CDH26: variants seen among roughly 807,000 people sequenced by gnomAD.
CDH26 encodes the protein cadherin 26.
In CDH26, 83 loss-of-function variants were observed where a neutral mutation model predicts 90.3. That is an observed-to-expected ratio of 0.92 (90% CI 0.77 to 1.10). CDH26 has a LOEUF of 1.10. Among genes scored for constraint, CDH26 ranks in the 50% least tolerant of loss-of-function variants. The probability of loss-of-function intolerance (pLI) is 0.00; values close to 1 mark genes in which losing one functional copy is unlikely to be tolerated. For synonymous variants in CDH26, 397 were observed against 396.3 expected, an observed-to-expected ratio of 1.00 and a Z score of -0.02; for missense variants, 1,013 against 1,037.6, an observed-to-expected ratio of 0.98 and a Z score of 0.33.
chr20:59,969,074 G>T, intron 2 of CDH26, 51 bp downstream of exon 2: 1 of 1,151,678 alleles, frequency 8.7e-7, no homozygotes, highest in South Asian at 1.3e-5. Context: ...CTCTACACTT[G>T]ACTTAGAGAC....
At position 60,006,705 on chromosome 20, in the gene CDH26, G is replaced by C. The variant is rs1221510718; in HGVS notation, c.2221-8G>C. On this transcript the variant is annotated splice_region_variant and splice_polypyrimidine_tract_variant and intron_variant, in intron 16 of 17. Coordinates refer to ENST00000348616, the MANE Select transcript of CDH26 (RefSeq NM_177980.4). ...CTGTGGTATGAAGCTCTACTGGTTTGCTTGCAGGCTTACCCAGATGCCACA... is the reference window on the plus strand; with the variant it reads ...CTGTGGTATGAAGCTCTACTGGTTTCCTTGCAGGCTTACCCAGATGCCACA... 1.2e-6 allele frequency: 2 copies of C among 1,612,106 alleles called. No homozygotes were observed. The highest frequency in any genetic ancestry group is 1.7e-6 in the Non-Finnish European group (2 of 1,178,324).
At chr20:60,027,139 G>A (rs1427206127) in intron 7 of CDH26, among the ~76,000 whole-genome samples, 1 of 152,174 alleles carries the variant, frequency 6.6e-6, no homozygotes. Context: ...GTCTTGGGCA[G>A]AGGAGAAGTA....
At chr20:59,986,275 A>G (rs995519283) in intron 7 of CDH26, 1 of 152,184 alleles carries the variant, frequency 6.6e-6, no homozygotes, top group Admixed American at 6.5e-5. Context: ...CAGGGTCCAC[A>G]TGGGATTTCC....
intron 4 of CDH26, among the ~76,000 whole-genome samples, chr20:59,976,068 T>C (rs1446838491): frequency 6.6e-6 from 1 of 152,222 alleles, no homozygotes; most frequent in African/African-American, 2.4e-5. Context: ...TCTTTTTATA[T>C]TTCTCAAAAT....
intron 1 of CDH26, among the ~76,000 whole-genome samples, chr20:59,962,897 C>T (rs1008853355): frequency 9.2e-5 from 14 of 152,110 alleles, no homozygotes; most frequent in Non-Finnish European, 2.1e-4. Context: ...AGAGAGCCCC[C>T]AGGATGGGCA....
chr20:59,966,398 G>A (rs1168305895), intron 1 of CDH26, among the ~76,000 whole-genome samples: 2 of 152,182 alleles, frequency 1.3e-5, no homozygotes, highest in Non-Finnish European at 2.9e-5. Flanking sequence ...GTACACTCAA[G>A]TGTTGCAATT....
intron 4 of CDH26, 53 bp from the exon 5 acceptor site, chr20:59,982,870 A>C (rs1238720297): frequency 1.3e-6 from 2 of 1,581,708 alleles, no homozygotes; most frequent in East Asian, 4.5e-5. Context: ...ATTTTATTAG[A>C]GTGTCATCGA....
chr20:60,032,530 T>C (rs1411695695), intron 8 of CDH26, among the ~76,000 whole-genome samples: 1 of 152,126 alleles, frequency 6.6e-6, no homozygotes, highest in Non-Finnish European at 1.5e-5. Context: ...ATCATGCTGC[T>C]ATAAAGACAC....
In CDH26 at chr20:59,994,311, C is replaced by G. The variant is rs750047284; in HGVS notation, c.1488C>G (p.Asn496Lys). ...LMLFLSDIND[N>K]VPTLRPRSRY... ...TCTTCCTGTCTGACATCAATGACAACGTCCCGACTCTCCGGCCACGTTCCC... is the reference window on the plus strand; with the variant it reads ...TCTTCCTGTCTGACATCAATGACAAGGTCCCGACTCTCCGGCCACGTTCCC... The change falls in exon 11 of 18, where the codon AAC becomes AAG. Residue 496 changes from asparagine (N) to lysine (K), a missense_variant. Physicochemically the swap from Asn to Lys is moderately conservative, Grantham distance 94. Coordinates refer to ENST00000348616, the MANE Select transcript of CDH26 (RefSeq NM_177980.4). 1.9e-6 allele frequency: 3 copies of G among 1,613,978 alleles called. No homozygotes were observed. Among genetic ancestry groups the G allele is most frequent in the Non-Finnish European group, 1.7e-6 (2 of 1,180,014 alleles).
At chr20:59,993,006 T>C (rs980507612) in intron 10 of CDH26, among the ~76,000 whole-genome samples, 2 of 152,068 alleles carry the variant, frequency 1.3e-5, no homozygotes, top group African/African-American at 4.8e-5. Flanking sequence ...CAAAGCAGAG[T>C]TGAAGAAATA....
chr20:59,975,560 C>T (rs953005930), intron 4 of CDH26, among the ~76,000 whole-genome samples: 3 of 152,136 alleles, frequency 2.0e-5, no homozygotes, highest in Non-Finnish European at 4.4e-5. Context: ...GGCTTACACA[C>T]TATTTAGGAG....
At chr20:60,017,182 G>C (rs2061912435), downstream of CDH26, among the ~76,000 whole-genome samples, 1 of 151,992 alleles carries the variant, frequency 6.6e-6, no homozygotes, top group African/African-American at 2.4e-5. Context: ...TCTGAGAAAA[G>C]TTGGTATTAA....
At chr20:59,997,100 T>C (rs1480493343) in intron 13 of CDH26, among the ~76,000 whole-genome samples, 1 of 152,226 alleles carries the variant, frequency 6.6e-6, no homozygotes, top group African/African-American at 2.4e-5. Context: ...CAAGACAGCC[T>C]CTACCACAGA....
At chr20:59,995,298 T>C (rs1296234095) in intron 11 of CDH26, among the ~76,000 whole-genome samples, 1 of 152,158 alleles carries the variant, frequency 6.6e-6, no homozygotes, top group African/African-American at 2.4e-5. Flanking sequence ...TCTGGTCACA[T>C]AGTATCAGTC....
At chr20:59,988,757 GTC>G in intron 8 of CDH26, 145 bp from the exon 9 acceptor site, 1 of 825,576 alleles carries the variant, frequency 1.2e-6, no homozygotes, top group Non-Finnish European at 1.9e-6. Context: ...GCTGTAGACT[GTC>G]TTTTGATCAT....
At position 59,999,601 on chromosome 20, in the gene CDH26, G is replaced by A. The variant is rs764483069; in HGVS notation, c.2035G>A (p.Glu679Lys). Residue 679 changes from glutamate (E) to lysine (K), a missense_variant, in exon 14 of 18, where the codon GAA becomes AAA. Physicochemically the swap from Glu to Lys is moderately conservative, Grantham distance 56. Coordinates refer to ENST00000348616, the MANE Select transcript of CDH26 (RefSeq NM_177980.4). ...GTSAQTWSDV[E>K]GQRPALLICT... ...TGTTCTACAGACATGGTCAGATGTTGAAGGCCAGAGGCCGGCTCTGCTCAT... is the reference window on the plus strand; with the variant it reads ...TGTTCTACAGACATGGTCAGATGTTAAAGGCCAGAGGCCGGCTCTGCTCAT... 4.3e-6 allele frequency: 7 copies of A among 1,614,074 alleles called. No homozygotes were observed. The highest frequency in any genetic ancestry group is 5.9e-6 in the Non-Finnish European group (7 of 1,179,976).
chr20:60,025,121 A>G (rs1373237543), intron 7 of CDH26, among the ~76,000 whole-genome samples: 3 of 152,234 alleles, frequency 2.0e-5, no homozygotes, highest in Non-Finnish European at 4.4e-5. Flanking sequence ...AAACTTTTAC[A>G]AAAGAGAAAT....
intron 1 of CDH26, among the ~76,000 whole-genome samples, chr20:59,967,815 TTCTTTCTTTC>T (rs1376278864): frequency 0.036 from 722 of 19,812 alleles, 12 homozygotes; most frequent in South Asian, 0.099. Context: ...CCTCCCTCAT[TTCTTTCTTTC>T]TTTCTTTCTT....
chr20:59,982,225 T>C, intron 4 of CDH26, among the ~76,000 whole-genome samples: 1 of 152,324 alleles, frequency 6.6e-6, no homozygotes, highest in East Asian at 1.9e-4. Context: ...TTTGGTTACA[T>C]GCGATTACGT....
Sources: gnomAD v4.1 joint callset for allele counts (sites outside exome capture counted in the v4.1 genomes callset) on GRCh38, gnomAD v4.1.1 for gene constraint, MANE v1.5 for transcripts, NCBI Gene and HGNC (gene_info 2026-07-23, HGNC 2026-07-21) for gene names.